The following NLGN1 variants were observed in gnomAD, a reference collection of about 807,000 sequenced individuals.
NLGN1 encodes neuroligin 1.
In NLGN1, 12 loss-of-function variants were observed where a neutral mutation model predicts 65.5. That is an observed-to-expected ratio of 0.18 (90% CI 0.12 to 0.30). NLGN1 has a LOEUF of 0.30. Ranked by LOEUF, NLGN1 falls within the 10% of genes least tolerant of loss-of-function variation. The pLI is 1.00. For synonymous variants in NLGN1, 350 were observed against 359.5 expected, an observed-to-expected ratio of 0.97 and a Z score of 0.30; for missense variants, 750 against 1,007.1, an observed-to-expected ratio of 0.74 and a Z score of 3.46.
At chr3:174,241,158 GA>G (rs1474547879) in intron 4 of NLGN1, among the ~76,000 whole-genome samples, 2 of 152,030 alleles carry the variant, frequency 1.3e-5, no homozygotes, top group African/African-American at 4.8e-5. Flanking sequence ...GAAAAACAGA[GA>G]AGATAAAGTC....
intron 3 of NLGN1, among the ~76,000 whole-genome samples, chr3:173,697,793 G>T (rs1347713437): frequency 2.6e-5 from 4 of 152,134 alleles, no homozygotes; most frequent in African/African-American, 4.8e-5. Flanking sequence ...GCCTCCCAAA[G>T]TACTGGGATT....
chr3:174,136,266 A>G (rs1204292128), intron 4 of NLGN1, among the ~76,000 whole-genome samples: 2 of 152,166 alleles, frequency 1.3e-5, no homozygotes, highest in Non-Finnish European at 2.9e-5. Flanking sequence ...ATAGCAATAC[A>G]TACTATTGGG....
At chr3:173,900,991 CTT>C (rs1202383584) in intron 4 of NLGN1, among the ~76,000 whole-genome samples, 2 of 152,026 alleles carry the variant, frequency 1.3e-5, no homozygotes, top group Admixed American at 1.3e-4. Flanking sequence ...AAACTCGTGT[CTT>C]TTGGAACTGC....
chr3:173,777,312 C>T (rs74726368), intron 3 of NLGN1, among the ~76,000 whole-genome samples: 6,463 of 151,818 alleles, frequency 0.043, 192 homozygotes, highest in African/African-American at 0.088. Flanking sequence ...TGGTGAGTGA[C>T]TCATTGTGAA....
chr3:174,274,971 A>C (rs1212128003), intron 4 of NLGN1, among the ~76,000 whole-genome samples: 1 of 151,868 alleles, frequency 6.6e-6, no homozygotes, highest in Non-Finnish European at 1.5e-5. Context: ...ACACGTTCAC[A>C]TGAACCCTAT....
At chr3:174,068,601 T>C (rs540785374) in intron 4 of NLGN1, among the ~76,000 whole-genome samples, 28 of 152,226 alleles carry the variant, frequency 1.8e-4, no homozygotes, top group African/African-American at 6.0e-4. Context: ...CTAAATATTA[T>C]TTGCTTAACA....
At chr3:173,849,972 G>T (rs1049433566) in intron 4 of NLGN1, among the ~76,000 whole-genome samples, 4 of 151,930 alleles carry the variant, frequency 2.6e-5, no homozygotes, top group Admixed American at 6.6e-5. Context: ...TCTCTGTATT[G>T]TATTTTCTTT....
chr3:173,949,404 A>T (rs557563640), intron 4 of NLGN1, among the ~76,000 whole-genome samples: 2 of 152,146 alleles, frequency 1.3e-5, no homozygotes. Flanking sequence ...AATTAGAAAG[A>T]TGTATCTTCT....
chr3:173,975,319 C>G (rs1374603758), intron 4 of NLGN1, among the ~76,000 whole-genome samples: 2 of 151,976 alleles, frequency 1.3e-5, no homozygotes, highest in African/African-American at 4.8e-5. Flanking sequence ...CTTTGCCCTT[C>G]ACTCCTATCT....
intron 3 of NLGN1, among the ~76,000 whole-genome samples, chr3:173,653,335 G>A (rs1048919888): frequency 7.2e-5 from 11 of 152,088 alleles, no homozygotes; most frequent in Non-Finnish European, 1.5e-4. Flanking sequence ...TAAAAGGAAT[G>A]CTTTCAACTA....
chr3:173,935,910 A>G (rs1325478840), intron 4 of NLGN1, among the ~76,000 whole-genome samples: 1 of 151,954 alleles, frequency 6.6e-6, no homozygotes, highest in African/African-American at 2.4e-5. Flanking sequence ...TGAGACACCA[A>G]AGACCTACTG....
intron 4 of NLGN1, among the ~76,000 whole-genome samples, chr3:173,880,667 C>A (rs553253024): frequency 6.6e-6 from 1 of 152,092 alleles, no homozygotes; most frequent in African/African-American, 2.4e-5. Context: ...TTTGTTCTTG[C>A]CTAAACTAAG....
At chr3:173,761,308 C>T (rs1157578160) in intron 3 of NLGN1, among the ~76,000 whole-genome samples, 1 of 152,008 alleles carries the variant, frequency 6.6e-6, no homozygotes, top group African/African-American at 2.4e-5. Context: ...ATTTTCTCTT[C>T]TATTAAAGAA....
At chr3:173,716,505 C>T (rs1769873525) in intron 3 of NLGN1, among the ~76,000 whole-genome samples, 1 of 152,082 alleles carries the variant, frequency 6.6e-6, no homozygotes, top group Non-Finnish European at 1.5e-5. Flanking sequence ...GGGTCTTCAC[C>T]TCAAAAAGAC....
intron 4 of NLGN1, among the ~76,000 whole-genome samples, chr3:173,839,206 G>T (rs747937904): frequency 2.8e-4 from 42 of 148,296 alleles, no homozygotes; most frequent in Non-Finnish European, 7.4e-5. Context: ...TTAAATTTAT[G>T]TAAGACAATA....
intron 2 of NLGN1, among the ~76,000 whole-genome samples, chr3:173,486,415 T>C (rs1036687342): frequency 1.3e-5 from 2 of 152,116 alleles, no homozygotes; most frequent in Non-Finnish European, 2.9e-5. Context: ...TAGGCTTCAC[T>C]AGACTGTCAG....
rs757280990 is a variant in NLGN1, at chr3:174,280,435, A to AAAAAT, written c.1650-39_1650-35dup. The AAAAAT allele has an allele frequency of 2.0e-5, 27 of 1,337,796 alleles. No individual in the cohort carries two copies. Among genetic ancestry groups the AAAAAT allele is most frequent in the Non-Finnish European group, 2.6e-5 (25 of 973,764 alleles). The allele number at this position is 1,337,796 out of a possible 1,614,324, so 82.9% of individuals were successfully genotyped here. On this transcript the variant is annotated intron_variant, in intron 6 of 6. Transcript: ENST00000457714. This position sits in a 1 kb window ranked among gnomAD's most constrained non-coding sequence, Gnocchi z 4.9. ...TGTTAAAGTAGTGTGATTTTAAGTAAAAAATAAAATAGCTTTATTCTCATA... is the reference window on the plus strand; with the variant it reads ...TGTTAAAGTAGTGTGATTTTAAGTAAAAAATAAAATAAAATAGCTTTATTCTCATA...
intron 2 of NLGN1, among the ~76,000 whole-genome samples, chr3:173,529,910 T>C (rs1736279121): frequency 6.6e-6 from 1 of 151,864 alleles, no homozygotes; most frequent in Non-Finnish European, 1.5e-5. Context: ...GGTGTAGAAA[T>C]GGACTAGGTA....
intron 4 of NLGN1, among the ~76,000 whole-genome samples, chr3:173,953,749 G>A (rs1280841538): frequency 6.6e-6 from 1 of 151,960 alleles, no homozygotes; most frequent in African/African-American, 2.4e-5. Flanking sequence ...TCAATATGTT[G>A]TCCAGGCTGG....
Sources: allele counts gnomAD v4.1 joint callset (sites outside exome capture counted in the v4.1 genomes callset), GRCh38; gene constraint gnomAD v4.1.1; non-coding constraint Gnocchi (gnomAD v3.1); transcripts MANE v1.5; gene names NCBI Gene and HGNC (gene_info 2026-07-23, HGNC 2026-07-21).